Variants in NAPEPLD observed in about 807,000 individuals in gnomAD.
The protein encoded by NAPEPLD is N-acyl-phosphatidylethanolamine-hydrolyzing phospholipase D.
A neutral mutation model predicts 38.1 loss-of-function variants in NAPEPLD; 23 were observed. The observed-to-expected ratio is 0.60, with a 90% CI of 0.43 to 0.86. The LOEUF is 0.86. Among genes scored for constraint, NAPEPLD ranks in the 40% least tolerant of loss-of-function variants. The pLI is 0.00. For missense variants in NAPEPLD, 411 were observed against 476.8 expected (o/e 0.86, Z 1.28); for synonymous variants, 147 against 162.0 (o/e 0.91, Z 0.71).
At chr7:103,114,064 A>G (rs1805103589) in intron 4 of NAPEPLD, among the ~76,000 whole-genome samples, 1 of 148,024 alleles carries the variant, frequency 6.8e-6, no homozygotes, top group Non-Finnish European at 1.5e-5. Context: ...ACGCCTGGCT[A>G]TTTTGTATTT....
intron 1 of NAPEPLD, among the ~76,000 whole-genome samples, chr7:103,136,133 G>A (rs1386059661): frequency 1.3e-5 from 2 of 151,726 alleles, no homozygotes; most frequent in Non-Finnish European, 2.9e-5. Flanking sequence ...CAAGAGTGGT[G>A]GTGCATGCCT....
chr7:103,133,425 G>C (rs1455169197), intron 1 of NAPEPLD, among the ~76,000 whole-genome samples: 3 of 152,188 alleles, frequency 2.0e-5, no homozygotes, highest in Admixed American at 2.0e-4. Flanking sequence ...ACTCTGGACT[G>C]GTTTTTCTGG....
At position 103,128,480 on chromosome 7, in the gene NAPEPLD, T is replaced by C. The variant is rs1042553659; in HGVS notation, c.294+3A>G. ...TAAAGCACTCAAAAAAGCCAAGCGC[T>C]ACCTCTTTAGAACTTGGAACACTGC... On this transcript the variant is annotated splice_donor_region_variant and intron_variant, in intron 2 of 4. Transcript: ENST00000465647. 2.5e-6 allele frequency: 4 copies of C among 1,613,618 alleles called. No homozygotes were observed. In the African/African-American group the frequency reaches 4.0e-5, roughly 16 times the overall value.
At chr7:103,114,773 T>C (rs1411143117) in intron 4 of NAPEPLD, among the ~76,000 whole-genome samples, 2 of 152,192 alleles carry the variant, frequency 1.3e-5, no homozygotes, top group African/African-American at 4.8e-5. Flanking sequence ...GCTTTTCTAG[T>C]CTCCAGACCA....
intron 4 of NAPEPLD, among the ~76,000 whole-genome samples, chr7:103,105,748 C>T (rs1177576010): frequency 6.6e-6 from 1 of 152,100 alleles, no homozygotes; most frequent in African/African-American, 2.4e-5. Flanking sequence ...GCCTGGCCAA[C>T]ATGGCAAAAC....
chr7:103,119,302 T>C (rs148262024), intron 3 of NAPEPLD, among the ~76,000 whole-genome samples: 18 of 152,296 alleles, frequency 1.2e-4, no homozygotes, highest in African/African-American at 4.1e-4. Flanking sequence ...ACATGTAAAA[T>C]AGTTTGATTT....
At chr7:103,116,265 G>A (rs1161647873) in intron 3 of NAPEPLD, among the ~76,000 whole-genome samples, 4 of 152,026 alleles carry the variant, frequency 2.6e-5, no homozygotes, top group Non-Finnish European at 4.4e-5. Flanking sequence ...GTTTCACCAT[G>A]TTAGCCAGGA....
At chr7:103,129,192 G>C in intron 1 of NAPEPLD, 1 of 449,506 alleles carries the variant, frequency 2.2e-6, no homozygotes. Context: ...TTGAACCCTG[G>C]AGGTGGAGGT....
chr7:103,142,882 C>CAG (rs1477174887), intron 1 of NAPEPLD, among the ~76,000 whole-genome samples: 2 of 152,048 alleles, frequency 1.3e-5, no homozygotes, highest in African/African-American at 4.8e-5. Flanking sequence ...GACCAGAAGA[C>CAG]AGAGAGACAA....
At chr7:103,114,887 G>C (rs1291658736) in intron 4 of NAPEPLD, among the ~76,000 whole-genome samples, 173 bp downstream of exon 4, 2 of 151,718 alleles carry the variant, frequency 1.3e-5, no homozygotes, top group Non-Finnish European at 1.5e-5. Context: ...GACTGTATAT[G>C]TGTGTATTGT....
chr7:103,138,339 T>C (rs551818268), intron 1 of NAPEPLD, among the ~76,000 whole-genome samples: 1 of 152,178 alleles, frequency 6.6e-6, no homozygotes, highest in Non-Finnish European at 1.5e-5. Flanking sequence ...ATGCATAACC[T>C]GTAAAGAAAC....
intron 3 of NAPEPLD, 59 bp downstream of exon 3, chr7:103,119,517 AC>A: frequency 1.3e-6 from 2 of 1,521,066 alleles, no homozygotes; most frequent in South Asian, 2.6e-5. Context: ...TAATTGCTTT[AC>A]TTTTAAATTC....
In NAPEPLD at chr7:103,103,495, A is replaced by G. The variant is rs1802693592; in HGVS notation, c.1116T>C (p.Ala372=). ...CATGCTTCAAGACAAAAAAATCTTCAGCGTTAAGTCCGTATCTCTCTAGAG... is the reference window on the plus strand; with the variant it reads ...CATGCTTCAAGACAAAAAAATCTTCGGCGTTAAGTCCGTATCTCTCTAGAG... ...NEALERYGLN[A]EDFFVLKHGE... The change falls in exon 5 of 5, where the codon GCT becomes GCC. Residue 372 remains alanine (A), a synonymous_variant. Coordinates refer to ENST00000465647, the MANE Select transcript of NAPEPLD (RefSeq NM_001122838.3). 6.3e-7 allele frequency: 1 copy of G among 1,599,478 alleles called. No homozygotes were observed. The highest frequency in any genetic ancestry group is 1.3e-5 in the African/African-American group (1 of 74,180).
chr7:103,137,509 C>T (rs772763494), intron 1 of NAPEPLD, among the ~76,000 whole-genome samples: 21 of 151,984 alleles, frequency 1.4e-4, no homozygotes, highest in South Asian at 8.3e-4. Context: ...TATCATGTTA[C>T]GGTAAATTTG....
At position 103,099,823 on chromosome 7, in the gene NAPEPLD, T is replaced by C. The variant is rs1802133098; in HGVS notation, c.*3606A>G. The C allele has an allele frequency of 6.6e-6, 1 of 152,184 alleles. No individual in the cohort carries two copies. Among genetic ancestry groups the C allele is most frequent in the South Asian group, 2.1e-4 (1 of 4,834 alleles). The allele number at this position is 152,184 out of a possible 1,614,324, so 9.4% of individuals were successfully genotyped here. ...TTATTAATTTTCATCCATATTTTAC[T>C]TGACTAAAAATACAATGTATGAAAA... On this transcript the variant is annotated 3_prime_UTR_variant, in exon 5 of 5. Transcript: ENST00000465647.
rs780958580 is a variant in NAPEPLD, at chr7:103,128,784, G to A, written c.-8C>T. Reference sequence around the variant, plus strand: ...GCTTTCATTTTCATCCATGTCCTTTGGTGAAGAACTAAAAAAAACAAGGGG... The same window carrying A: ...GCTTTCATTTTCATCCATGTCCTTTAGTGAAGAACTAAAAAAAACAAGGGG... On this transcript the variant is annotated 5_prime_UTR_variant, in exon 2 of 5. Transcript: ENST00000465647. 1.4e-5 allele frequency: 23 copies of A among 1,600,768 alleles called. No individual in the cohort carries two copies. Among genetic ancestry groups the A allele is most frequent in the Non-Finnish European group, 2.0e-5 (23 of 1,175,890 alleles).
At chr7:103,130,330 T>C (rs1808667161) in intron 1 of NAPEPLD, among the ~76,000 whole-genome samples, 1 of 152,210 alleles carries the variant, frequency 6.6e-6, no homozygotes, top group Non-Finnish European at 1.5e-5. Context: ...AAACCCCAGC[T>C]GACTAAAGCT....
At chr7:103,123,706 T>C (rs1325152720) in intron 2 of NAPEPLD, among the ~76,000 whole-genome samples, 1 of 152,144 alleles carries the variant, frequency 6.6e-6, no homozygotes, top group East Asian at 1.9e-4. Flanking sequence ...AAGAATACAA[T>C]GAATTAGGGA....
upstream of NAPEPLD, chr7:103,149,461 C>T: frequency 3.2e-6 from 4 of 1,265,092 alleles, no homozygotes; most frequent in Non-Finnish European, 4.1e-6. Context: ...GGCAGCGCTT[C>T]AGCTCTCGCC....
Sources: gnomAD v4.1 joint callset for allele counts (sites outside exome capture counted in the v4.1 genomes callset) on GRCh38, gnomAD v4.1.1 for gene constraint, MANE v1.5 for transcripts, NCBI Gene and HGNC (gene_info 2026-07-23, HGNC 2026-07-21) for gene names.